Variants in SORCS2 observed in about 807,000 individuals in gnomAD.
SORCS2 encodes the protein sortilin related VPS10 domain containing receptor 2, also known as VPS10 domain-containing receptor SorCS2.
A neutral mutation model predicts 141.6 loss-of-function variants in SORCS2; 100 were observed. The ratio of observed to expected loss-of-function variants is 0.71; its 90% confidence interval spans 0.60 to 0.83. The LOEUF (loss-of-function observed/expected upper bound fraction) is 0.83, where lower values mean the gene tolerates loss of function less well. Ranked by LOEUF, SORCS2 falls within the 40% of genes least tolerant of loss-of-function variation. The pLI is 0.00. For missense variants in SORCS2, 1,646 were observed against 1,560.2 expected, an observed-to-expected ratio of 1.05 and a Z score of -0.93; for synonymous variants, 789 against 676.9, an observed-to-expected ratio of 1.17 and a Z score of -2.57.
intron 1 of SORCS2, among the ~76,000 whole-genome samples, chr4:7,196,247 T>C (rs1015347637): frequency 6.6e-6 from 1 of 152,206 alleles, no homozygotes; most frequent in Non-Finnish European, 1.5e-5. Flanking sequence ...TTTATGGATC[T>C]AGAGTGGGCT....
chr4:7,643,245 C>T (rs1720856810), intron 4 of SORCS2, among the ~76,000 whole-genome samples: 1 of 152,192 alleles, frequency 6.6e-6, no homozygotes, highest in Non-Finnish European at 1.5e-5. Flanking sequence ...CAAGGCTCAG[C>T]CGACTGCAGT....
chr4:7,289,075 G>A (rs2108873863), intron 1 of SORCS2, among the ~76,000 whole-genome samples: 1 of 152,310 alleles, frequency 6.6e-6, no homozygotes. Context: ...TTTTGGCAGA[G>A]CTAGCAATGG....
chr4:7,572,096 C>T (rs542423651), intron 3 of SORCS2, among the ~76,000 whole-genome samples: 14 of 152,274 alleles, frequency 9.2e-5, no homozygotes, highest in East Asian at 3.9e-4. Flanking sequence ...TCTCATGCTC[C>T]GTGAAATTCA....
chr4:7,563,263 A>G (rs1682863169), intron 3 of SORCS2, among the ~76,000 whole-genome samples: 1 of 152,098 alleles, frequency 6.6e-6, no homozygotes. Flanking sequence ...ACTGCATGCC[A>G]CCACCGTGGG....
In SORCS2 at chr4:7,369,305, T is replaced by G. The variant is rs1438657908; in HGVS notation, c.481-26983T>G. On this transcript the variant is annotated intron_variant, in intron 1 of 26. Transcript: ENST00000507866. ...CAGCCTGAGCAACAGAGCCAGACTC[T>G]GTCTGAAAACCAAACCAAACCAAAA... Among the ~76,000 whole-genome samples the G allele has an allele frequency of 2.0e-5, 3 of 152,210 alleles. No individual in the cohort carries two copies. In the East Asian group the frequency reaches 5.8e-4, roughly 29 times the overall value.
In SORCS2 at chr4:7,722,289, G is replaced by A. The variant is rs1204785684; in HGVS notation, c.2425-1408G>A. Among the ~76,000 whole-genome samples the A allele has an allele frequency of 5.3e-5, 8 of 152,064 alleles. No individual in the cohort carries two copies. In the South Asian group the frequency reaches 6.2e-4, roughly 12 times the overall value. On this transcript the variant is annotated intron_variant, in intron 18 of 26. Coordinates refer to ENST00000507866, the MANE Select transcript of SORCS2 (RefSeq NM_020777.3). ...ACTTGAGCGCTTCCCCTCATTCCCC[G>A]CCCCTCCCTGAGAGGCTGCCTTTAA...
Position 7,276,430 on chromosome 4 carries a change from G to A in SORCS2, c.480+83304G>A, listed in dbSNP as rs7660780. Among the ~76,000 whole-genome samples the A allele has an allele frequency of 5.4e-3, 815 of 152,216 alleles. 12 individuals are homozygous for A. Among genetic ancestry groups the A allele is most frequent in the African/African-American group, 0.018 (754 of 41,516 alleles). ...GGCGTCCTTCCACTCGCTGGAACGG[G>A]CTTCATGTTCAGTCTGTTCTGTTCA... On this transcript the variant is annotated intron_variant, in intron 1 of 26. Transcript: ENST00000507866.
chr4:7,722,454 G>A (rs1462835014), intron 18 of SORCS2, among the ~76,000 whole-genome samples: 2 of 152,080 alleles, frequency 1.3e-5, no homozygotes, highest in South Asian at 2.1e-4. Flanking sequence ...ATCTCATGCC[G>A]GGTGGCCTGA....
intron 10 of SORCS2, 103 bp downstream of exon 10, chr4:7,682,992 C>A: frequency 7.2e-7 from 1 of 1,390,654 alleles, no homozygotes; most frequent in Non-Finnish European, 9.7e-7. Flanking sequence ...GAAGGACCAT[C>A]TGAGACACAT....
At chr4:7,570,994 C>G (rs1027814581) in intron 3 of SORCS2, among the ~76,000 whole-genome samples, 1 of 152,216 alleles carries the variant, frequency 6.6e-6, no homozygotes, top group African/African-American at 2.4e-5. Flanking sequence ...GGCGCAGCCA[C>G]TCTCCAAGGA....
At position 7,558,563 on chromosome 4, in the gene SORCS2, C is replaced by T. The variant is rs28403186; in HGVS notation, c.648+26934C>T. On this transcript the variant is annotated intron_variant, in intron 3 of 26. Coordinates refer to ENST00000507866, the MANE Select transcript of SORCS2 (RefSeq NM_020777.3). ...GATGCCAGCTCCCTCTGTGCTGGTG[C>T]GGTGACCTTGAGCATCTGACAGTGC... Among the ~76,000 whole-genome samples, 1,335 of 152,272 alleles carry T rather than the reference C, an allele frequency of 8.8e-3. 20 individuals carry two copies. Among genetic ancestry groups the T allele is most frequent in the African/African-American group, 0.031 (1,287 of 41,560 alleles).
rs541882752 is a variant in SORCS2 at position 7,336,186 on chromosome 4, C to T, written c.481-60102C>T. 8.5e-5 allele frequency among the ~76,000 whole-genome samples: 13 copies of T among 152,324 alleles called. No homozygotes were observed. In the East Asian group the frequency reaches 9.7e-4, roughly 11 times the overall value. On this transcript the variant is annotated intron_variant, in intron 1 of 26. Coordinates refer to ENST00000507866, the MANE Select transcript of SORCS2 (RefSeq NM_020777.3). ...CTGAGGCCCCGCTGCCCCTGCCCTG[C>T]GTCCTGGTCGATTGCTCGTGGTGGA...
Position 7,704,255 on chromosome 4 carries a change from T to C in SORCS2, c.1839T>C (p.Ser613=), listed in dbSNP as rs2109017510. Residue 613 remains serine, a synonymous_variant, in exon 14 of 27, where the codon AGT becomes AGC. Transcript: ENST00000507866. ...CGGTGTTTGTGGACGGGCTGCTGAG[T>C]GAGCCAGGGGACGAGACGCTGGTCA... ...STSVFVDGLL[S]EPGDETLVMT... 8 of 1,612,576 alleles carry C rather than the reference T, an allele frequency of 5.0e-6. No individual in the cohort carries two copies. The highest frequency in any genetic ancestry group is 6.8e-6 in the Non-Finnish European group (8 of 1,179,488).
intron 12 of SORCS2, among the ~76,000 whole-genome samples, chr4:7,701,011 G>A (rs1218221447): frequency 1.3e-5 from 2 of 152,224 alleles, no homozygotes; most frequent in East Asian, 3.9e-4. Context: ...GTGAGATCCT[G>A]TGTGCAGCAC....
Position 7,334,677 on chromosome 4 carries a change from C to T in SORCS2, c.481-61611C>T, listed in dbSNP as rs113249084. Reference sequence around the variant, plus strand: ...GCTGAGGACACAGGGGAGGTGGACACGGTCACTGCCTTCCTGTGGTCACCG... The same window carrying T: ...GCTGAGGACACAGGGGAGGTGGACATGGTCACTGCCTTCCTGTGGTCACCG... On this transcript the variant is annotated intron_variant, in intron 1 of 26. Coordinates refer to ENST00000507866, the MANE Select transcript of SORCS2 (RefSeq NM_020777.3). Among the ~76,000 whole-genome samples, 148 of 152,264 alleles carry T rather than the reference C, an allele frequency of 9.7e-4. 2 individuals are homozygous for T. The highest frequency in any genetic ancestry group is 2.6e-3 in the African/African-American group (108 of 41,546).
chr4:7,681,558 C>T (rs567297243), intron 9 of SORCS2, among the ~76,000 whole-genome samples: 18 of 152,284 alleles, frequency 1.2e-4, no homozygotes, highest in East Asian at 5.8e-4. Context: ...TAACTGTAGC[C>T]GCATGCCAGG....
chr4:7,657,097 G>A (rs924933246), intron 5 of SORCS2, among the ~76,000 whole-genome samples: 4 of 152,238 alleles, frequency 2.6e-5, no homozygotes, highest in African/African-American at 9.6e-5. Flanking sequence ...ACCTATGACT[G>A]AGGGGCCTGG....
rs566689838 is a variant in SORCS2 at position 7,535,459 on chromosome 4, C to T, written c.648+3830C>T. 6.8e-4 allele frequency among the ~76,000 whole-genome samples: 104 copies of T among 152,324 alleles called. 1 individual carries two copies. Among genetic ancestry groups the T allele is most frequent in the African/African-American group, 2.4e-3 (98 of 41,580 alleles). Reference sequence around the variant, plus strand: ...GGTCTGAGTCTGGCCCTGTAGCCTACCCGCTCTGAGACCTTGAGCAAGTGT... The same window carrying T: ...GGTCTGAGTCTGGCCCTGTAGCCTATCCGCTCTGAGACCTTGAGCAAGTGT... On this transcript the variant is annotated intron_variant, in intron 3 of 26. Coordinates refer to ENST00000507866, the MANE Select transcript of SORCS2 (RefSeq NM_020777.3).
At chr4:7,699,712 T>C (rs1171084668) in intron 12 of SORCS2, among the ~76,000 whole-genome samples, 1 of 151,886 alleles carries the variant, frequency 6.6e-6, no homozygotes, top group Non-Finnish European at 1.5e-5. Context: ...ACGAGGCCCC[T>C]CTCCTCCAGC....
Sources: gnomAD v4.1 joint callset for allele counts (sites outside exome capture counted in the v4.1 genomes callset) on GRCh38, gnomAD v4.1.1 for gene constraint, MANE v1.5 for transcripts, NCBI Gene and HGNC (gene_info 2026-07-23, HGNC 2026-07-21) for gene names.